Variants in ARMCX4 observed in about 807,000 individuals in gnomAD.
ARMCX4 encodes the protein armadillo repeat containing X-linked 4, also known as armadillo repeat-containing X-linked protein 4.
A neutral mutation model predicts 34.7 loss-of-function variants in ARMCX4; 3 were observed. The observed-to-expected ratio is 0.09, with a 90% CI of 0.04 to 0.22. ARMCX4 has a LOEUF of 0.22. ARMCX4 is among the 10% of genes least tolerant of loss of function. The probability of loss-of-function intolerance (pLI) is 1.00; values close to 1 mark genes in which losing one functional copy is unlikely to be tolerated. For synonymous variants in ARMCX4, 513 were observed against 632.8 expected (o/e 0.81, Z 2.84); for missense variants, 1,448 against 1,720.8 (o/e 0.84, Z 2.81).
At chrX:101,527,491 T>G (rs1217231493) in intron 11 of ARMCX4, among the ~76,000 whole-genome samples, 38 of 109,221 alleles carry the variant, frequency 3.5e-4, no homozygotes, top group Non-Finnish European at 6.9e-4. Flanking sequence ...AGAGCAGAAA[T>G]GAAGGAAATA....
At position 101,494,274 on chromosome X, in the gene ARMCX4, TGAG is replaced by T. The variant is rs1341100428; in HGVS notation, c.5689_5691del (p.Glu1897del). The T allele has an allele frequency of 9.5e-6, 11 of 1,152,803 alleles. No homozygotes were observed. In the African/African-American group the frequency reaches 2.0e-4, roughly 21 times the overall value. ...TAAGTAGAGAGTCCAGCCCTGATAT[TGAG>T]GAGATCAGTTTAAGGTCTTTGTTTT... On this transcript the variant is annotated inframe_deletion, in exon 6 of 6. Coordinates refer to ENST00000423738, the MANE Select transcript of ARMCX4 (RefSeq NM_001256155.3).
At chrX:101,421,032 T>A (rs1555989964) in intron 2 of ARMCX4, among the ~76,000 whole-genome samples, 1 of 108,295 alleles carries the variant, frequency 9.2e-6, no homozygotes, top group East Asian at 2.9e-4. Context: ...TGAAACCCCG[T>A]CTCTACTAAA....
At chrX:101,535,405 A>G (rs1556023266), downstream of ARMCX4, among the ~76,000 whole-genome samples, 1 of 112,059 alleles carries the variant, frequency 8.9e-6, no homozygotes, top group Non-Finnish European at 1.9e-5. Flanking sequence ...TGTGGGAAAC[A>G]GCACCACTTA....
chrX:101,534,407 A>T (rs2147732180), downstream of ARMCX4, among the ~76,000 whole-genome samples: 1 of 111,532 alleles, frequency 9.0e-6, no homozygotes, highest in South Asian at 3.7e-4. Context: ...AAATAAATAC[A>T]TGTGAACAGG....
At chrX:101,527,340 A>G (rs1449226970) in intron 11 of ARMCX4, among the ~76,000 whole-genome samples, 2 of 112,183 alleles carry the variant, frequency 1.8e-5, no homozygotes, top group East Asian at 5.6e-4. Context: ...CAGTGTGTAG[A>G]GTGAAATTTA....
chrX:101,467,655 A>G (rs1556002230), intron 4 of ARMCX4, among the ~76,000 whole-genome samples: 1 of 111,725 alleles, frequency 9.0e-6, no homozygotes, highest in Non-Finnish European at 1.9e-5. Context: ...TTCTGAATCA[A>G]TTATTTCATG....
At chrX:101,515,331 T>TCTTTC (rs1188932084) in intron 11 of ARMCX4, among the ~76,000 whole-genome samples, 1 of 105,913 alleles carries the variant, frequency 9.4e-6, no homozygotes, top group African/African-American at 3.5e-5. Flanking sequence ...TCCCTTTCTT[T>TCTTTC]CTTTCCTTTC....
At chrX:101,433,245 TATACACACATATATAC>T (rs1930398930) in intron 2 of ARMCX4, among the ~76,000 whole-genome samples, 1 of 28,405 alleles carries the variant, frequency 3.5e-5, no homozygotes, top group Non-Finnish European at 1.2e-4. Flanking sequence ...CATATGTATA[TATACACACATATATAC>T]ATATATGTAC....
At chrX:101,479,201 G>C (rs781926387) in intron 4 of ARMCX4, among the ~76,000 whole-genome samples, 2 of 109,095 alleles carry the variant, frequency 1.8e-5, no homozygotes, top group African/African-American at 6.7e-5. Context: ...AAAAAATGTA[G>C]AGAGAATATA....
intron 4 of ARMCX4, among the ~76,000 whole-genome samples, chrX:101,456,598 TG>T (rs1416697592): frequency 9.0e-6 from 1 of 111,433 alleles, no homozygotes; most frequent in Non-Finnish European, 1.9e-5. Flanking sequence ...AAAAATAGAG[TG>T]GTAATGAATT....
In ARMCX4 at chrX:101,493,280, C is replaced by T. The variant is rs1603213604; in HGVS notation, c.4691C>T (p.Ala1564Val). 6 of 1,153,810 alleles carry T rather than the reference C, an allele frequency of 5.2e-6. No individual in the cohort carries two copies. In the East Asian group the frequency reaches 2.0e-4, roughly 38 times the overall value. Residue 1564 changes from alanine (A) to valine (V), a missense_variant, in exon 6 of 6, where the codon GCT becomes GTT. Physicochemically the swap from Ala to Val is moderately conservative, Grantham distance 64. Around this residue, in one of 2 missense-constraint regions of ARMCX4, gnomAD observed 1,343 missense variants for 1,540.7 expected, o/e 0.87. Coordinates refer to ENST00000423738, the MANE Select transcript of ARMCX4 (RefSeq NM_001256155.3). ...GGAAGCTGCTGGACTGGGGCTGGGG[C>T]TGTGGATCAGGCTGGTGGTTGTTCC... ...VSGSCWTGAG[A>V]VDQAGGCSKP... is the part of the protein sequence containing the mutation.
chrX:101,527,794 C>A (rs181462200), intron 11 of ARMCX4, among the ~76,000 whole-genome samples: 28 of 111,652 alleles, frequency 2.5e-4, no homozygotes, highest in Admixed American at 2.5e-3. Flanking sequence ...GAAGTCAAAT[C>A]TCTGAATAGA....
intron 4 of ARMCX4, among the ~76,000 whole-genome samples, chrX:101,479,016 G>T (rs1377011827): frequency 9.1e-6 from 1 of 110,426 alleles, no homozygotes; most frequent in Non-Finnish European, 1.9e-5. Context: ...AAAATGTTTA[G>T]ATCTAAATAG....
At chrX:101,455,647 A>T (rs1854972762) in intron 4 of ARMCX4, among the ~76,000 whole-genome samples, 1 of 111,922 alleles carries the variant, frequency 8.9e-6, no homozygotes, top group Admixed American at 9.5e-5. Flanking sequence ...TAAAAAGAAG[A>T]TATATGAATA....
At chrX:101,424,429 C>G (rs1555990592) in intron 2 of ARMCX4, among the ~76,000 whole-genome samples, 1 of 111,520 alleles carries the variant, frequency 9.0e-6, no homozygotes, top group African/African-American at 3.3e-5. Context: ...TCATGGGAAC[C>G]CTGATTTACA....
rs918559869 is a variant in ARMCX4 at position 101,493,956 on chromosome X, T to C, written c.5367T>C (p.Ala1789=). 5 of 1,106,214 alleles carry C rather than the reference T, an allele frequency of 4.5e-6. No homozygotes were observed. The highest frequency in any genetic ancestry group is 5.7e-5 in the Admixed American group (2 of 35,024). 91.2% of individuals were successfully genotyped at this position (1,106,214 alleles called of 1,213,427 possible). ...CTAGGATTGAGGCTGAGAACAAGGC[T>C]AGTAGTGGCTCCTGGATTAGATCTG... ...ICSRIEAENK[A]SSGSWIRSEE... Residue 1789 remains alanine, a synonymous_variant, in exon 6 of 6, where the codon GCT becomes GCC. Transcript: ENST00000423738.
At chrX:101,476,759 TTAAGA>T (rs1556004394) in intron 4 of ARMCX4, among the ~76,000 whole-genome samples, 1 of 110,902 alleles carries the variant, frequency 9.0e-6, no homozygotes, top group Admixed American at 9.7e-5. Context: ...TAAGGAAGAC[TTAAGA>T]TAAATGAACT....
Position 101,461,984 on chromosome X carries a change from G to A in ARMCX4, c.-473+15940G>A, listed in dbSNP as rs1010830623. Among the ~76,000 whole-genome samples the A allele has an allele frequency of 4.5e-5, 5 of 111,790 alleles. No individual in the cohort carries two copies. In the South Asian group the frequency reaches 1.9e-3, roughly 41 times the overall value. ...AGGCAGACTTACTGACCAACAGTGG[G>A]TCAATGATGTCAAAAGAAAATTCAC... On this transcript the variant is annotated intron_variant and NMD_transcript_variant, in intron 4 of 15. Transcript: ENST00000433011.
intron 8 of ARMCX4, among the ~76,000 whole-genome samples, chrX:101,508,521 G>T (rs1245294222): frequency 9.0e-6 from 1 of 110,570 alleles, no homozygotes; most frequent in Non-Finnish European, 1.9e-5. Context: ...TCAGATTAGG[G>T]CTCTATTCTT....
Sources: allele counts gnomAD v4.1 joint callset (sites outside exome capture counted in the v4.1 genomes callset), GRCh38; gene constraint gnomAD v4.1.1; regional missense constraint gnomAD v4.1.1; transcripts MANE v1.5; gene names NCBI Gene and HGNC (gene_info 2026-07-23, HGNC 2026-07-21).